The following SERAC1 variants were observed in gnomAD, a reference collection of about 807,000 sequenced individuals.
SERAC1 encodes the protein serine active site containing 1.
A neutral mutation model predicts 85.7 loss-of-function variants in SERAC1; 36 were observed. The ratio of observed to expected loss-of-function variants is 0.42; its 90% CI spans 0.32 to 0.55. The LOEUF (loss-of-function observed/expected upper bound fraction) is 0.55. Among genes scored for constraint, SERAC1 ranks in the 20% least tolerant of loss-of-function variants. The pLI, the probability that SERAC1 is intolerant of heterozygous loss-of-function variation, is 0.11. For missense variants in SERAC1, 629 were observed against 796.2 expected (o/e 0.79, Z 2.53); for synonymous variants, 242 against 265.3 (o/e 0.91, Z 0.85).
chr6:158,127,300 T>C (rs1784563091), intron 10 of SERAC1, among the ~76,000 whole-genome samples: 1 of 2,846 alleles, frequency 3.5e-4, no homozygotes, highest in African/African-American at 9.8e-4. Flanking sequence ...GAGGGGCGCC[T>C]CTGCCCGGCC....
At chr6:158,133,637 G>A (rs1336225387) in intron 8 of SERAC1, among the ~76,000 whole-genome samples, 3 of 151,954 alleles carry the variant, frequency 2.0e-5, no homozygotes, top group Non-Finnish European at 2.9e-5. Context: ...CGCCCGCCTC[G>A]GCCTCCCAAA....
intron 8 of SERAC1, among the ~76,000 whole-genome samples, chr6:158,132,903 T>C (rs189295934): frequency 1.2e-4 from 19 of 152,292 alleles, no homozygotes; most frequent in Admixed American, 1.2e-3. Context: ...CATAAAGATT[T>C]AAGAAACACC....
chr6:158,157,140 G>A (rs1455051048), intron 2 of SERAC1, among the ~76,000 whole-genome samples: 2 of 151,308 alleles, frequency 1.3e-5, no homozygotes, highest in African/African-American at 4.9e-5. Context: ...AGGATTACAG[G>A]CGCCCACCAC....
intron 12 of SERAC1, among the ~76,000 whole-genome samples, chr6:158,118,522 G>A (rs1213362368): frequency 2.0e-5 from 3 of 151,758 alleles, no homozygotes; most frequent in Admixed American, 1.3e-4. Context: ...GGAGGCTGAG[G>A]GGGAATGACT....
At chr6:158,146,979 G>C in intron 5 of SERAC1, 66 bp from the exon 6 acceptor site, 1 of 1,528,004 alleles carries the variant, frequency 6.5e-7, no homozygotes, top group Middle Eastern at 1.9e-4. Context: ...TTCACTTTAA[G>C]ATGGTAATTT....
In SERAC1 at chr6:158,147,533, G is replaced by C. The variant is rs1207895901; in HGVS notation, c.356-620C>G. ...CCCAGCACTTTGGGAGGCCGAGGCA[G>C]GCGGATCACGAGGTCAGGAGATCCA... On this transcript the variant is annotated intron_variant, in intron 5 of 16. Transcript: ENST00000647468. Among the ~76,000 whole-genome samples the C allele has an allele frequency of 3.3e-5, 5 of 151,418 alleles. No individual in the cohort carries two copies. The East Asian group carries it at 9.7e-4, about 29-fold the overall frequency.
At chr6:158,116,354 G>A in intron 13 of SERAC1, 72 bp from the exon 14 acceptor site, 1 of 1,234,070 alleles carries the variant, frequency 8.1e-7, no homozygotes, top group Non-Finnish European at 1.2e-6. Flanking sequence ...AATTTTTAGA[G>A]TTAAGAACTT....
rs758771323 is a variant in SERAC1 at position 158,111,432 on chromosome 6, A to G, written c.1899T>C (p.Asp633=). 8.1e-6 allele frequency: 13 copies of G among 1,612,132 alleles called. No homozygotes were observed. Among genetic ancestry groups the G allele is most frequent in the Non-Finnish European group, 1.1e-5 (13 of 1,179,382 alleles). ...HLNICKPKKK[D]AFLYQRTLQF... is the part of the protein sequence containing the mutation. Reference sequence around the variant, plus strand: ...GTAAAGTACGCTGGTACAAAAAAGCATCCTTTTTCTTTGGCTTACAAATGT... The same window carrying G: ...GTAAAGTACGCTGGTACAAAAAAGCGTCCTTTTTCTTTGGCTTACAAATGT... Residue 633 remains aspartate, a synonymous_variant, in exon 17 of 17, where the codon GAT becomes GAC. Transcript: ENST00000647468.
At chr6:158,122,348 C>A (rs1784442304) in intron 10 of SERAC1, among the ~76,000 whole-genome samples, 1 of 152,232 alleles carries the variant, frequency 6.6e-6, no homozygotes, top group Admixed American at 6.5e-5. Context: ...AATGAAATAA[C>A]TAAAAGTAGC....
At chr6:158,111,590 A>G in intron 16 of SERAC1, 88 bp from the exon 17 acceptor site, 1 of 1,045,556 alleles carries the variant, frequency 9.6e-7, no homozygotes. Flanking sequence ...GGGTAGTTCT[A>G]GACATTGCTT....
chr6:158,160,227 A>G (rs1490996760), intron 1 of SERAC1, among the ~76,000 whole-genome samples: 1 of 143,446 alleles, frequency 7.0e-6, no homozygotes, highest in Non-Finnish European at 1.5e-5. Context: ...TTTTTTTTTT[A>G]TTCATTAAGC....
chr6:158,120,604 C>G lies in SERAC1; in HGVS notation c.1016-29G>C. ...GTGAAAAGTACACATATCCTAAATACTGATGTGAATCCATCGCAGACCACA... is the reference window on the plus strand; with the variant it reads ...GTGAAAAGTACACATATCCTAAATAGTGATGTGAATCCATCGCAGACCACA... On this transcript the variant is annotated intron_variant, in intron 10 of 16. Coordinates refer to ENST00000647468, the MANE Select transcript of SERAC1 (RefSeq NM_032861.4). This position sits in a 1 kb window ranked among gnomAD's most constrained non-coding sequence, Gnocchi z 4.4. The G allele has an allele frequency of 1.2e-6, 2 of 1,606,488 alleles. No individual in the cohort carries two copies. The highest frequency in any genetic ancestry group is 2.2e-5 in the East Asian group (1 of 44,742).
chr6:158,121,072 CAT>C (rs1784410388), intron 10 of SERAC1, among the ~76,000 whole-genome samples: 1 of 152,068 alleles, frequency 6.6e-6, no homozygotes, highest in Non-Finnish European at 1.5e-5. Context: ...AAGGAAAAAA[CAT>C]TTTTTAAAGG....
At chr6:158,157,336 G>T (rs561852673) in intron 2 of SERAC1, among the ~76,000 whole-genome samples, 1 of 152,200 alleles carries the variant, frequency 6.6e-6, no homozygotes, top group South Asian at 2.1e-4. Context: ...ACAGTCCTTT[G>T]TTCAGAGCTT....
In SERAC1 at chr6:158,119,154, C is replaced by T; in HGVS notation, c.1183G>A (p.Asp395Asn). The change falls in exon 12 of 17, where the codon GAT (aspartate) becomes AAT (asparagine). Residue 395 changes from aspartate (D) to asparagine (N), a missense_variant. Transcript: ENST00000647468. This position sits in a 1 kb window ranked among gnomAD's most constrained non-coding sequence, Gnocchi z 4.5. ...ATAAGGCCATGAATAAAAAGGACAT[C>T]TGCTTTAATGGGCTGACTAATAGGG... Reference protein sequence around the residue: ...QYRTSQPIKADVLFIHGLMGA... With the variant: ...QYRTSQPIKANVLFIHGLMGA... 6.2e-7 allele frequency: 1 copy of T among 1,611,654 alleles called. No individual in the cohort carries two copies. The highest frequency in any genetic ancestry group is 8.5e-7 in the Non-Finnish European group (1 of 1,178,662).
chr6:158,111,039 A>G lies in SERAC1; in HGVS notation c.*327T>C. 5.6e-6 allele frequency: 1 copy of G among 178,168 alleles called. No homozygotes were observed. The highest frequency in any genetic ancestry group is 2.3e-5 in the African/African-American group (1 of 42,586). The allele number at this position is 178,168 out of a possible 1,614,324, so 11.0% of individuals were successfully genotyped here. ...CTGCCGTGCCCCTCCTGGATGCACCAGGAAAGTCACAGATGGGAAAGGACA... is the reference window on the plus strand; with the variant it reads ...CTGCCGTGCCCCTCCTGGATGCACCGGGAAAGTCACAGATGGGAAAGGACA... On this transcript the variant is annotated 3_prime_UTR_variant, in exon 17 of 17. Transcript: ENST00000647468.
chr6:158,126,594 A>C (rs2128414526), intron 10 of SERAC1, among the ~76,000 whole-genome samples: 1 of 152,284 alleles, frequency 6.6e-6, no homozygotes, highest in African/African-American at 2.4e-5. Flanking sequence ...TCATTTTAAA[A>C]CCATTATGGT....
chr6:158,153,890 G>A (rs1401451420), intron 3 of SERAC1, among the ~76,000 whole-genome samples: 2 of 152,096 alleles, frequency 1.3e-5, no homozygotes, highest in East Asian at 3.9e-4. Flanking sequence ...CAGCACTTTG[G>A]AAGGCCAAGA....
Position 158,120,448 on chromosome 6 carries a change from C to T in SERAC1, c.1143G>A (p.Val381=). The change falls in exon 11 of 17, where the codon GTG becomes GTA. Residue 381 remains valine (V), a synonymous_variant. Transcript: ENST00000647468. This position sits in a 1 kb window ranked among gnomAD's most constrained non-coding sequence, Gnocchi z 4.4. ...VQEKYQDGVY[V]LHPQYRTSQP... ...ACCTTGTTCGATATTGGGGATGCAG[C>T]ACATATACGCCATCCTGATATTTTT... 6.2e-7 allele frequency: 1 copy of T among 1,613,132 alleles called. No individual in the cohort carries two copies. The highest frequency in any genetic ancestry group is 2.2e-5 in the East Asian group (1 of 44,838).
Sources: allele counts gnomAD v4.1 joint callset (sites outside exome capture counted in the v4.1 genomes callset), GRCh38; gene constraint gnomAD v4.1.1; non-coding constraint Gnocchi (gnomAD v3.1); transcripts MANE v1.5; gene names NCBI Gene and HGNC (gene_info 2026-07-23, HGNC 2026-07-21).